Variants in DTD1 observed in about 807,000 individuals in gnomAD.
The protein encoded by DTD1 is D-tyrosyl-tRNA deacylase 1 homolog.
DTD1 carries 13 observed loss-of-function variants against 25.6 expected under a neutral mutation model. The ratio of observed to expected loss-of-function variants is 0.51; its 90% CI spans 0.33 to 0.81. The LOEUF (loss-of-function observed/expected upper bound fraction) is 0.81, where lower values mean the gene tolerates loss of function less well. DTD1 is among the 30% of genes least tolerant of loss of function. DTD1 has a pLI of 0.02. For synonymous variants in DTD1, 110 were observed against 103.6 expected (o/e 1.06, Z -0.37); for missense variants, 193 against 266.4 (o/e 0.72, Z 1.92).
chr20:18,636,426 G>A (rs1316583532), intron 4 of DTD1, among the ~76,000 whole-genome samples: 1 of 152,188 alleles, frequency 6.6e-6, no homozygotes, highest in African/African-American at 2.4e-5. Context: ...ATTTGCTTTA[G>A]TAATGGAGAG....
chr20:18,650,460 C>G (rs6132095), intron 4 of DTD1, among the ~76,000 whole-genome samples: 67,295 of 152,006 alleles, frequency 0.44, 15,253 homozygotes, highest in Middle Eastern at 0.55. Flanking sequence ...AATCTGCCCT[C>G]CTGCTCTGTA....
At chr20:18,640,629 A>ATTT (rs61085364) in intron 4 of DTD1, among the ~76,000 whole-genome samples, 4 of 140,306 alleles carry the variant, frequency 2.9e-5, no homozygotes, top group African/African-American at 5.3e-5. Context: ...TATCTGCAGA[A>ATTT]TTTTTTTTTT....
chr20:18,742,514 C>T (rs1172704537), intron 4 of DTD1, among the ~76,000 whole-genome samples: 2 of 152,122 alleles, frequency 1.3e-5, no homozygotes, highest in East Asian at 3.9e-4. Flanking sequence ...CTTAGATTCT[C>T]ATAGGAGCGG....
chr20:18,662,011 G>C (rs1403755284), intron 4 of DTD1, among the ~76,000 whole-genome samples: 1 of 152,056 alleles, frequency 6.6e-6, no homozygotes, highest in Non-Finnish European at 1.5e-5. Context: ...AATTAGCCAG[G>C]CATGGTGGTA....
intron 4 of DTD1, chr20:18,630,904 G>A (rs1175141345): frequency 9.9e-5 from 20 of 202,924 alleles, no homozygotes; most frequent in Non-Finnish European, 1.7e-4. Flanking sequence ...ATAGGAAATA[G>A]CACAGAAGTG....
At chr20:18,621,959 G>T (rs980152673) in intron 3 of DTD1, among the ~76,000 whole-genome samples, 8 of 152,070 alleles carry the variant, frequency 5.3e-5, no homozygotes, top group Non-Finnish European at 8.8e-5. Context: ...AGCTACTCGG[G>T]AGGCTGAGGC....
At chr20:18,646,743 G>GTCTC (rs554562701) in intron 4 of DTD1, among the ~76,000 whole-genome samples, 175 of 152,294 alleles carry the variant, frequency 1.1e-3, no homozygotes, top group Middle Eastern at 3.4e-3. Context: ...CTCATTGGCT[G>GTCTC]TCTCTGTTGA....
intron 3 of DTD1, among the ~76,000 whole-genome samples, chr20:18,601,702 C>T (rs2060636107): frequency 1.3e-5 from 2 of 151,824 alleles, no homozygotes; most frequent in Admixed American, 1.3e-4. Flanking sequence ...AACAGACCTG[C>T]AGCTGAGGGT....
chr20:18,591,960 A>T (rs1005014707), intron 1 of DTD1, among the ~76,000 whole-genome samples: 1 of 152,224 alleles, frequency 6.6e-6, no homozygotes, highest in African/African-American at 2.4e-5. Context: ...GATTTAAAAA[A>T]TTTTAGCCTA....
chr20:18,746,892 C>T lies in DTD1; in HGVS notation c.*19+2621C>T, dbSNP rs561789620. The stretch of plus-strand genomic sequence containing the variant: ...AACTGTTCCCTCATCACTGTGTTTT[C>T]CTGCTAGTGTTGTGCAGGGAGACAA... On this transcript the variant is annotated intron_variant, in intron 5 of 5. Transcript: ENST00000377452. Among the ~76,000 whole-genome samples the T allele has an allele frequency of 2.0e-4, 30 of 152,180 alleles. No homozygotes were observed. The South Asian group carries it at 6.2e-3, about 32-fold the overall frequency.
chr20:18,658,684 T>A (rs2060898961), intron 4 of DTD1, among the ~76,000 whole-genome samples: 1 of 152,246 alleles, frequency 6.6e-6, no homozygotes, highest in South Asian at 2.1e-4. Flanking sequence ...GATCTCTGAC[T>A]TTACTTTTTC....
At chr20:18,630,202 G>T (rs1376278656) in intron 4 of DTD1, among the ~76,000 whole-genome samples, 1 of 151,900 alleles carries the variant, frequency 6.6e-6, no homozygotes. Flanking sequence ...CAGAAAAGTT[G>T]AAAAAACAGA....
intron 4 of DTD1, 127 bp from the exon 5 acceptor site, chr20:18,743,973 C>G: frequency 2.1e-6 from 2 of 958,692 alleles, no homozygotes; most frequent in Non-Finnish European, 3.0e-6. Flanking sequence ...ATCTGAACCA[C>G]TGTGCTCTGC....
chr20:18,664,898 C>T (rs1284760217), intron 4 of DTD1, among the ~76,000 whole-genome samples: 1 of 151,710 alleles, frequency 6.6e-6, no homozygotes, highest in Non-Finnish European at 1.5e-5. Flanking sequence ...CATCTTCCCC[C>T]ACCTCTTCCT....
intron 4 of DTD1, among the ~76,000 whole-genome samples, chr20:18,658,552 T>C (rs984571272): frequency 6.6e-6 from 1 of 152,216 alleles, no homozygotes; most frequent in African/African-American, 2.4e-5. Flanking sequence ...GATGTTCTTT[T>C]CTGAGATGAA....
At chr20:18,676,858 C>T (rs1403793743) in intron 4 of DTD1, among the ~76,000 whole-genome samples, 2 of 152,136 alleles carry the variant, frequency 1.3e-5, no homozygotes, top group South Asian at 4.1e-4. Flanking sequence ...TGGAGTAATT[C>T]TCGTTCGCCC....
chr20:18,761,978 G>A (rs565642064), intron 5 of DTD1, among the ~76,000 whole-genome samples: 8 of 152,348 alleles, frequency 5.3e-5, no homozygotes, highest in Admixed American at 2.0e-4. Context: ...ACTCTTACAG[G>A]TGGGTTTGGG....
intron 4 of DTD1, among the ~76,000 whole-genome samples, chr20:18,632,915 C>T (rs374913681): frequency 3.3e-4 from 50 of 152,058 alleles, no homozygotes; most frequent in Non-Finnish European, 6.8e-4. Context: ...TGTATGTAAG[C>T]ACCAAGTGTC....
intron 4 of DTD1, among the ~76,000 whole-genome samples, chr20:18,655,347 C>T (rs2060887707): frequency 6.6e-6 from 1 of 152,168 alleles, no homozygotes; most frequent in African/African-American, 2.4e-5. Flanking sequence ...TGTACTAGGC[C>T]AGTTGCTTTA....
Sources: allele counts gnomAD v4.1 joint callset (sites outside exome capture counted in the v4.1 genomes callset), GRCh38; gene constraint gnomAD v4.1.1; transcripts MANE v1.5; gene names NCBI Gene and HGNC (gene_info 2026-07-23, HGNC 2026-07-21).